LGSN: variants seen among roughly 807,000 people sequenced by gnomAD.
LGSN encodes the protein lengsin.
Under a neutral mutation model 19.5 loss-of-function variants are expected in LGSN, and 21 were observed. The observed-to-expected ratio is 1.07, with a 90% confidence interval of 0.76 to 1.55. LGSN has a LOEUF of 1.55. Ranked by LOEUF, LGSN falls within the 40% of genes most tolerant of loss-of-function variation. The probability of loss-of-function intolerance (pLI) is 0.00; values close to 1 mark genes in which losing one functional copy is unlikely to be tolerated. For synonymous variants in LGSN, 257 were observed against 215.6 expected (o/e 1.19, Z -1.68); for missense variants, 673 against 608.5 (o/e 1.11, Z -1.12).
chr6:63,451,607 GGTA>G, the LGSN span, among the ~76,000 whole-genome samples: 1 of 152,114 alleles, frequency 6.6e-6, no homozygotes, highest in East Asian at 1.9e-4. Context: ...GAGGGTGGAG[GGTA>G]GGAGGAGGGA....
At chr6:63,572,374 C>T in the LGSN span, 9 of 313,448 alleles carry the variant, frequency 2.9e-5, no homozygotes, top group Middle Eastern at 8.6e-4. Flanking sequence ...GGGCGGGCCT[C>T]CGCCCCCGCC....
chr6:63,430,616 G>A, the LGSN span, among the ~76,000 whole-genome samples: 1 of 152,066 alleles, frequency 6.6e-6, no homozygotes, highest in Non-Finnish European at 1.5e-5. Flanking sequence ...TCAAACTCCT[G>A]GCCTCAAGTG....
chr6:63,536,736 A>C, the LGSN span, among the ~76,000 whole-genome samples: 2 of 152,218 alleles, frequency 1.3e-5, no homozygotes, highest in Non-Finnish European at 2.9e-5. Flanking sequence ...GTATCACTAC[A>C]AGAAAAAGCA....
At chr6:63,445,866 G>A in the LGSN span, among the ~76,000 whole-genome samples, 1 of 152,024 alleles carries the variant, frequency 6.6e-6, no homozygotes, top group African/African-American at 2.4e-5. Context: ...TGATCCTTCT[G>A]AAGTATCTCA....
the LGSN span, among the ~76,000 whole-genome samples, chr6:63,368,602 C>T: frequency 3.3e-4 from 50 of 152,204 alleles, no homozygotes; most frequent in Non-Finnish European, 8.8e-5. Flanking sequence ...ACTCCACACA[C>T]GCAGCATGTT....
the LGSN span, among the ~76,000 whole-genome samples, chr6:63,536,136 A>G: frequency 1.1e-4 from 16 of 151,824 alleles, no homozygotes; most frequent in African/African-American, 3.9e-4. Context: ...GTTCCAGACC[A>G]GCCTGGCCAA....
the LGSN span, among the ~76,000 whole-genome samples, chr6:63,518,596 T>C: frequency 6.6e-6 from 1 of 152,164 alleles, no homozygotes; most frequent in South Asian, 2.1e-4. Context: ...TAATGCTCAG[T>C]GATGTTAAAT....
At chr6:63,511,896 T>C in the LGSN span, among the ~76,000 whole-genome samples, 26 of 152,170 alleles carry the variant, frequency 1.7e-4, no homozygotes, top group Admixed American at 1.5e-3. Context: ...ATTTATGATG[T>C]TCTTGGCTGC....
chr6:63,540,860 G>A, the LGSN span, among the ~76,000 whole-genome samples: 7 of 150,930 alleles, frequency 4.6e-5, no homozygotes, highest in African/African-American at 1.5e-4. Flanking sequence ...AAAAATAGCC[G>A]GTCTTGGTGG....
chr6:63,505,194 A>T, the LGSN span, among the ~76,000 whole-genome samples: 2 of 146,736 alleles, frequency 1.4e-5, no homozygotes, highest in Non-Finnish European at 3.0e-5. Flanking sequence ...AACGTTATTG[A>T]TATCTCCTCA....
the LGSN span, among the ~76,000 whole-genome samples, chr6:63,469,485 C>T: frequency 1.3e-5 from 2 of 152,188 alleles, no homozygotes; most frequent in East Asian, 3.9e-4. Flanking sequence ...CACCAATATT[C>T]AAGACATGGT....
chr6:63,525,403 T>A, the LGSN span, among the ~76,000 whole-genome samples: 1 of 152,148 alleles, frequency 6.6e-6, no homozygotes, highest in Non-Finnish European at 1.5e-5. Context: ...TGGAACACAC[T>A]CCTTCCCGTT....
the LGSN span, among the ~76,000 whole-genome samples, chr6:63,527,036 A>G: frequency 6.6e-6 from 1 of 151,942 alleles, no homozygotes; most frequent in Non-Finnish European, 1.5e-5. Context: ...CACCTTATAT[A>G]TGTATTTCTA....
the LGSN span, chr6:63,549,324 C>G: frequency 1.3e-6 from 1 of 753,704 alleles, no homozygotes; most frequent in Non-Finnish European, 2.4e-6. Context: ...CCGCTGCAAC[C>G]TGATATAGTG....
the LGSN span, among the ~76,000 whole-genome samples, chr6:63,390,875 A>G: frequency 6.7e-6 from 1 of 148,924 alleles, no homozygotes; most frequent in South Asian, 2.1e-4. Context: ...AAAAAAAAAA[A>G]AAGAAAAGAA....
At chr6:63,515,680 G>A in the LGSN span, among the ~76,000 whole-genome samples, 2 of 152,062 alleles carry the variant, frequency 1.3e-5, no homozygotes. Context: ...CTCGGTGCTA[G>A]AAAGCAAAGA....
the LGSN span, among the ~76,000 whole-genome samples, chr6:63,569,646 C>G: frequency 6.6e-6 from 1 of 152,188 alleles, no homozygotes; most frequent in African/African-American, 2.4e-5. Context: ...GAAAGCCCTG[C>G]CTATCGTGAT....
chr6:63,406,330 T>G, the LGSN span, among the ~76,000 whole-genome samples: 2 of 152,114 alleles, frequency 1.3e-5, no homozygotes, highest in Non-Finnish European at 2.9e-5. Flanking sequence ...AAACTGTCTC[T>G]CAGACCACAG....
the LGSN span, among the ~76,000 whole-genome samples, chr6:63,336,078 G>T: frequency 0.01 from 1,548 of 152,264 alleles, 8 homozygotes; most frequent in Non-Finnish European, 0.015. Context: ...AAGATTGAGT[G>T]GGGGAGGATT....
Sources: gnomAD v4.1 joint callset for allele counts (sites outside exome capture counted in the v4.1 genomes callset) on GRCh38, gnomAD v4.1.1 for gene constraint, MANE v1.5 for transcripts, NCBI Gene and HGNC (gene_info 2026-07-23, HGNC 2026-07-21) for gene names.